Variants in RFPL2 observed in about 807,000 individuals in gnomAD.
RFPL2 encodes the protein ret finger protein like 2.
RFPL2 carries 13 observed loss-of-function variants against 17.8 expected under a neutral mutation model. The ratio of observed to expected loss-of-function variants is 0.73; its 90% CI spans 0.47 to 1.16. RFPL2 has a LOEUF of 1.16. Among genes scored for constraint, RFPL2 ranks in the 50% most tolerant of loss-of-function variants. The pLI is 0.00. For synonymous variants in RFPL2, 189 were observed against 180.9 expected, an observed-to-expected ratio of 1.04 and a Z score of -0.36; for missense variants, 431 against 479.3, an observed-to-expected ratio of 0.90 and a Z score of 0.94.
chr22:32,191,826 G>C (rs890114041), intron 4 of RFPL2, among the ~76,000 whole-genome samples: 5 of 152,028 alleles, frequency 3.3e-5, no homozygotes, highest in Admixed American at 2.6e-4. Flanking sequence ...AGTTCTGACA[G>C]AAGATGGAAT....
rs558796557 is a variant in RFPL2, at chr22:32,192,993, C to G, written c.465G>C (p.Arg155=). 7.4e-6 allele frequency: 12 copies of G among 1,614,166 alleles called. No homozygotes were observed. The Admixed American group carries it at 1.7e-4, about 22-fold the overall frequency. Residue 155 remains arginine (R), a synonymous_variant, in exon 4 of 5, where the codon CGG becomes CGC. Transcript: ENST00000652607. The stretch of plus-strand genomic sequence containing the variant: ...TGTGGGAAGCCAGCCTCTCTAGCTG[C>G]CGATTGCGCCTGATTTTGTTCTTCC... ...VSRKNKIRRN[R]QLERLASHIK... is the part of the protein sequence containing the mutation.
At chr22:32,199,381 G>A (rs1236803964) in intron 2 of RFPL2, among the ~76,000 whole-genome samples, 2 of 152,130 alleles carry the variant, frequency 1.3e-5, no homozygotes, top group South Asian at 2.1e-4. Flanking sequence ...AAACACAGAG[G>A]GTCTCTAACC....
chr22:32,196,865 G>A (rs1404365246), intron 2 of RFPL2, among the ~76,000 whole-genome samples: 1 of 152,198 alleles, frequency 6.6e-6, no homozygotes, highest in African/African-American at 2.4e-5. Context: ...CGGAGCCACA[G>A]TCCGTAAAAC....
chr22:32,202,338 G>A lies in RFPL2; in HGVS notation c.114C>T (p.Ser38=). Reference sequence around the variant, plus strand: ...AACCCAGAATTGTCTCTCACCTCAGGCTCCTTATCACCATCATGTCTGCAA... The same window carrying A: ...AACCCAGAATTGTCTCTCACCTCAGACTCCTTATCACCATCATGTCTGCAA... ...WDFADMMVIR[S]LSLIRLEGVE... is the part of the protein sequence containing the mutation. Residue 38 remains serine, a synonymous_variant, in exon 2 of 5, where the codon AGC becomes AGT. Coordinates refer to ENST00000652607, the MANE Select transcript of RFPL2 (RefSeq NM_001394555.1). 6.3e-7 allele frequency: 1 copy of A among 1,596,990 alleles called. No individual in the cohort carries two copies. The highest frequency in any genetic ancestry group is 8.5e-7 in the Non-Finnish European group (1 of 1,171,748).
chr22:32,191,014 C>A lies in RFPL2; in HGVS notation c.895G>T (p.Val299Leu), dbSNP rs778808289. Residue 299 changes from valine (V) to leucine (L), a missense_variant, in exon 5 of 5, where the codon GTA becomes TTA. Coordinates refer to ENST00000652607, the MANE Select transcript of RFPL2 (RefSeq NM_001394555.1). The part of the protein sequence containing the change: ...ATTVPLTFLF[V>L]DRKLQRVGIF... ...CCCACTCGCTGTAACTTGCGGTCTA[C>A]GAAGAGGAAAGTCAGCGGCACCGTG... The A allele has an allele frequency of 1.1e-5, 18 of 1,613,620 alleles. No individual in the cohort carries two copies. The African/African-American group carries it at 2.4e-4, about 22-fold the overall frequency.
chr22:32,203,096 C>T, intron 1 of RFPL2: 5 of 985,858 alleles, frequency 5.1e-6, no homozygotes. Context: ...ACACCTCCAC[C>T]GCCCGCCACC....
intron 1 of RFPL2, among the ~76,000 whole-genome samples, chr22:32,203,876 T>C (rs1293411183): frequency 7.5e-6 from 1 of 132,658 alleles, no homozygotes; most frequent in East Asian, 2.4e-4. Context: ...TCCCCCGCCA[T>C]GAGCAATGCA....
rs200701670 is a variant in RFPL2 at position 32,202,439 on chromosome 22, C to T, written c.13G>A (p.Glu5Lys). The T allele has an allele frequency of 1.9e-4, 309 of 1,595,078 alleles. No individual in the cohort carries two copies. Among genetic ancestry groups the T allele is most frequent in the Non-Finnish European group, 2.4e-4 (278 of 1,170,776 alleles). MEVA[E>K]LGFPETAVSQ... ...ACTGCAGTCTCTGGGAAGCCTAATT[C>T]AGCCACCTCCATCGGAGGCAAATCA... Residue 5 changes from glutamate to lysine, a missense_variant, in exon 2 of 5, where the codon GAA becomes AAA. By Grantham distance (56) the Glu-to-Lys change is moderately conservative. Coordinates refer to ENST00000652607, the MANE Select transcript of RFPL2 (RefSeq NM_001394555.1).
chr22:32,192,789 C>G (rs1042048062), intron 4 of RFPL2, 113 bp downstream of exon 4: 5 of 1,407,856 alleles, frequency 3.6e-6, no homozygotes, highest in Non-Finnish European at 4.8e-6. Flanking sequence ...TGAAGCATCT[C>G]AATTTTAGGT....
Position 32,202,341 on chromosome 22 carries a change from C to G in RFPL2, c.111G>C (p.Arg37Ser). 3.1e-6 allele frequency: 5 copies of G among 1,598,890 alleles called. No homozygotes were observed. Among genetic ancestry groups the G allele is most frequent in the Non-Finnish European group, 4.3e-6 (5 of 1,172,696 alleles). Residue 37 changes from arginine (R) to serine (S), a missense_variant, in exon 2 of 5, where the codon AGG becomes AGC. Coordinates refer to ENST00000652607, the MANE Select transcript of RFPL2 (RefSeq NM_001394555.1). ...HWDFADMMVI[R>S]SLSLIRLEGV... ...CCAGAATTGTCTCTCACCTCAGGCT[C>G]CTTATCACCATCATGTCTGCAAAGT...
chr22:32,203,570 C>T (rs998614362), intron 1 of RFPL2: 3 of 152,060 alleles, frequency 2.0e-5, no homozygotes, highest in African/African-American at 7.3e-5. Context: ...CACATAGCAT[C>T]CAACCCGCCT....
At chr22:32,203,655 G>A (rs73164026) in intron 1 of RFPL2, among the ~76,000 whole-genome samples, 2,508 of 150,812 alleles carry the variant, frequency 0.017, 25 homozygotes, top group Middle Eastern at 0.062. Flanking sequence ...TGCAGCCCAT[G>A]GGTAGCGCCC....
In RFPL2 at chr22:32,190,720, AC is replaced by A. The variant is rs1922481091; in HGVS notation, c.*51del. On this transcript the variant is annotated 3_prime_UTR_variant, in exon 5 of 5. Coordinates refer to ENST00000652607, the MANE Select transcript of RFPL2 (RefSeq NM_001394555.1). ...TACGAAGTAGAGCGTTCCTAAGTCT[AC>A]CCACCCAAGTAATTTTCTTACCCTG... 2.7e-6 allele frequency: 4 copies of A among 1,490,778 alleles called. No individual in the cohort carries two copies. In the Admixed American group the frequency reaches 7.1e-5, roughly 26 times the overall value. The allele number at this position is 1,490,778 out of a possible 1,614,324, so 92.3% of individuals were successfully genotyped here.
In RFPL2 at chr22:32,193,145, A is replaced by T. The variant is rs1038505492; in HGVS notation, c.313T>A (p.Ser105Thr). Residue 105 changes from serine (S) to threonine (T), a missense_variant, in exon 4 of 5, where the codon TCA becomes ACA. By Grantham distance (58) the Ser-to-Thr change is moderately conservative (BLOSUM62 1). Transcript: ENST00000652607. Reference protein sequence around the residue: ...FQEASSCPVCSDYLEKPMSLE... With the variant: ...FQEASSCPVCTDYLEKPMSLE... ...GACATTGGTTTTTCCAGATAGTCTG[A>T]GCAGACGGGACAGCTGCTTGCTTCT... The T allele has an allele frequency of 2.0e-5, 32 of 1,613,852 alleles. No individual in the cohort carries two copies. Among genetic ancestry groups the T allele is most frequent in the Non-Finnish European group, 2.6e-5 (31 of 1,179,872 alleles).
At chr22:32,204,117 C>A (rs1203099890) in intron 1 of RFPL2, among the ~76,000 whole-genome samples, 1 of 148,058 alleles carries the variant, frequency 6.8e-6, no homozygotes, top group Non-Finnish European at 1.5e-5. Flanking sequence ...CCAACCCGCA[C>A]CCCCACCCCC....
intron 2 of RFPL2, among the ~76,000 whole-genome samples, chr22:32,198,986 G>A (rs1020272859): frequency 2.6e-5 from 4 of 152,206 alleles, no homozygotes; most frequent in Non-Finnish European, 4.4e-5. Context: ...AGAGGCTTGA[G>A]GGAGTGACCA....
At position 32,202,313 on chromosome 22, in the gene RFPL2, A is replaced by G. The variant is rs779938656; in HGVS notation, c.119+20T>C. 4 of 1,575,486 alleles carry G rather than the reference A, an allele frequency of 2.5e-6. No individual in the cohort carries two copies. In the Admixed American group the frequency reaches 7.4e-5, roughly 29 times the overall value. ...GACTCCACCCTGGAGCAATGCGGAAAACCCAGAATTGTCTCTCACCTCAGG... is the reference window on the plus strand; with the variant it reads ...GACTCCACCCTGGAGCAATGCGGAAGACCCAGAATTGTCTCTCACCTCAGG... On this transcript the variant is annotated intron_variant, in intron 2 of 4. Coordinates refer to ENST00000652607, the MANE Select transcript of RFPL2 (RefSeq NM_001394555.1).
chr22:32,191,018 G>T lies in RFPL2; in HGVS notation c.891C>A (p.Leu297=), dbSNP rs199566788. 3.1e-6 allele frequency: 5 copies of T among 1,613,858 alleles called. No homozygotes were observed. The highest frequency in any genetic ancestry group is 3.3e-5 in the Admixed American group (2 of 60,004). The change falls in exon 5 of 5, where the codon CTC becomes CTA. Residue 297 remains leucine, a synonymous_variant. Coordinates refer to ENST00000652607, the MANE Select transcript of RFPL2 (RefSeq NM_001394555.1). ...CTCGCTGTAACTTGCGGTCTACGAA[G>T]AGGAAAGTCAGCGGCACCGTGGTGG... ...LSATTVPLTF[L]FVDRKLQRVG...
In RFPL2 at chr22:32,204,700, C is replaced by T. The variant is rs184119447; in HGVS notation, c.-100+7G>A. Among the ~76,000 whole-genome samples the T allele has an allele frequency of 1.3e-5, 2 of 152,212 alleles. No individual in the cohort carries two copies. Among genetic ancestry groups the T allele is most frequent in the African/African-American group, 4.8e-5 (2 of 41,460 alleles). On this transcript the variant is annotated splice_region_variant and intron_variant, in intron 1 of 4. Transcript: ENST00000652607. ...TCCAGCGTGGGACAGGTGACTCCTC[C>T]TCTAACCTGGGCATGGAGCAGATGG...
Sources: gnomAD v4.1 joint callset for allele counts (sites outside exome capture counted in the v4.1 genomes callset) on GRCh38, gnomAD v4.1.1 for gene constraint, MANE v1.5 for transcripts, NCBI Gene and HGNC (gene_info 2026-07-23, HGNC 2026-07-21) for gene names.